The following ENPP6 variants were observed in gnomAD, a reference collection of about 807,000 sequenced individuals.
The protein encoded by ENPP6 is ectonucleotide pyrophosphatase/phosphodiesterase 6, also known as glycerophosphocholine cholinephosphodiesterase ENPP6.
In ENPP6, 32 loss-of-function variants were observed where a neutral mutation model predicts 42.0. The observed-to-expected ratio is 0.76, with a 90% confidence interval of 0.58 to 1.02. The LOEUF (loss-of-function observed/expected upper bound fraction) is 1.02, where lower values mean the gene tolerates loss of function less well. Among genes scored for constraint, ENPP6 ranks in the 50% least tolerant of loss-of-function variants. ENPP6 has a pLI of 0.00. For synonymous variants in ENPP6, 213 were observed against 216.0 expected (o/e 0.99, Z 0.12); for missense variants, 552 against 566.8 (o/e 0.97, Z 0.27).
chr4:184,144,201 C>T (rs1177680874), intron 2 of ENPP6, among the ~76,000 whole-genome samples: 2 of 152,244 alleles, frequency 1.3e-5, no homozygotes, highest in Non-Finnish European at 2.9e-5. Flanking sequence ...CTCTGGCATT[C>T]TCCTCTGAGG....
intron 1 of ENPP6, among the ~76,000 whole-genome samples, chr4:184,171,281 T>C (rs762547077): frequency 6.6e-6 from 1 of 152,214 alleles, no homozygotes; most frequent in Non-Finnish European, 1.5e-5. Context: ...GGCCTCTCCA[T>C]ATGGCCACCT....
intron 1 of ENPP6, among the ~76,000 whole-genome samples, chr4:184,163,676 C>T (rs952923428): frequency 2.0e-5 from 3 of 152,232 alleles, no homozygotes; most frequent in African/African-American, 7.2e-5. Context: ...TGAACGCTTT[C>T]TTAATTCCGG....
chr4:184,092,519 CT>C (rs1735826121), intron 7 of ENPP6, among the ~76,000 whole-genome samples: 1 of 152,188 alleles, frequency 6.6e-6, no homozygotes, highest in African/African-American at 2.4e-5. Context: ...CCGAGGGTGA[CT>C]CCACAAGTCT....
intron 2 of ENPP6, among the ~76,000 whole-genome samples, chr4:184,126,755 C>T (rs1736511225): frequency 6.6e-6 from 1 of 152,240 alleles, no homozygotes; most frequent in Admixed American, 6.5e-5. Context: ...TATCATTTCT[C>T]ACCTGTGACA....
At chr4:184,217,121 C>A in intron 1 of ENPP6, 1 of 155,674 alleles carries the variant, frequency 6.4e-6, no homozygotes, top group Non-Finnish European at 1.4e-5. Flanking sequence ...CTGAGGACCC[C>A]ACAGGTACTT....
intron 2 of ENPP6, among the ~76,000 whole-genome samples, chr4:184,138,904 C>T (rs570698345): frequency 6.6e-6 from 1 of 152,354 alleles, no homozygotes; most frequent in African/African-American, 2.4e-5. Flanking sequence ...GAGGAAGAAA[C>T]TTCGAAGCCA....
At chr4:184,169,831 A>C (rs1362258604) in intron 1 of ENPP6, among the ~76,000 whole-genome samples, 2 of 152,226 alleles carry the variant, frequency 1.3e-5, no homozygotes, top group Non-Finnish European at 2.9e-5. Flanking sequence ...TTTAGTTTAA[A>C]AATTATCTAT....
At chr4:184,207,488 G>A (rs11724229) in intron 1 of ENPP6, among the ~76,000 whole-genome samples, 24,408 of 152,178 alleles carry the variant, frequency 0.16, 2,558 homozygotes, top group Non-Finnish European at 0.24. Context: ...ATAACTTTAC[G>A]AAAAGATCCA....
chr4:184,214,014 C>T (rs1181785640), intron 1 of ENPP6, among the ~76,000 whole-genome samples: 11 of 134,056 alleles, frequency 8.2e-5, no homozygotes, highest in Non-Finnish European at 1.6e-4. Context: ...ACCGCATATT[C>T]TCACTCATAG....
intron 2 of ENPP6, among the ~76,000 whole-genome samples, chr4:184,125,548 CT>C (rs1305687741): frequency 2.0e-5 from 3 of 152,092 alleles, no homozygotes; most frequent in African/African-American, 7.2e-5. Context: ...AACCCCACCC[CT>C]GGGTACATCT....
At chr4:184,170,402 C>T (rs1184763482) in intron 1 of ENPP6, among the ~76,000 whole-genome samples, 3 of 150,850 alleles carry the variant, frequency 2.0e-5, no homozygotes, top group African/African-American at 7.3e-5. Flanking sequence ...TGCACTCCAG[C>T]CTGAGTGACA....
intron 3 of ENPP6, among the ~76,000 whole-genome samples, chr4:184,122,645 G>T (rs1003000051): frequency 2.0e-5 from 3 of 152,172 alleles, no homozygotes; most frequent in Non-Finnish European, 1.5e-5. Context: ...TGTGTGCTCT[G>T]TGCTCACCCA....
chr4:184,116,857 T>G lies in ENPP6; in HGVS notation c.854A>C (p.Glu285Ala). Residue 285 changes from glutamate (E) to alanine (A), a missense_variant and splice_region_variant, in exon 5 of 8, where the codon GAG becomes GCG. Glu to Ala is a moderately radical substitution (Grantham distance 107). Transcript: ENST00000296741. ...SLWPAPGKHS[E>A]IYNKLSTVEH... is the part of the protein sequence containing the mutation. ...CCGCCCCCCACGGGTCTGTCTTGCC[T>G]CAGAGTGTTTCCCAGGGGCCGGCCA... is the stretch of plus-strand genomic sequence containing the variant. 1 of 1,613,310 alleles carries G rather than the reference T, an allele frequency of 6.2e-7. No individual in the cohort carries two copies. The highest frequency in any genetic ancestry group is 8.5e-7 in the Non-Finnish European group (1 of 1,179,938).
At chr4:184,124,050 A>G in intron 3 of ENPP6, 111 bp downstream of exon 3, 1 of 807,028 alleles carries the variant, frequency 1.2e-6, no homozygotes. Flanking sequence ...ACTCTCACCA[A>G]CTCTCTGACA....
intron 1 of ENPP6, among the ~76,000 whole-genome samples, chr4:184,183,497 GTA>G (rs1732586636): frequency 1.4e-5 from 1 of 69,732 alleles, no homozygotes; most frequent in South Asian, 3.0e-4. Context: ...GCACATGCAT[GTA>G]TACACACACA....
chr4:184,213,551 C>T (rs1391538052), intron 1 of ENPP6, among the ~76,000 whole-genome samples: 1 of 151,458 alleles, frequency 6.6e-6, no homozygotes, highest in Non-Finnish European at 1.5e-5. Flanking sequence ...TACCATCTCA[C>T]ACCAGTTAGA....
chr4:184,194,582 T>A (rs1233650540), intron 1 of ENPP6, among the ~76,000 whole-genome samples: 5 of 152,182 alleles, frequency 3.3e-5, no homozygotes, highest in Admixed American at 2.6e-4. Flanking sequence ...AGGGTCCTAA[T>A]AAGCACAGAG....
intron 3 of ENPP6, 23 bp from the exon 4 acceptor site, chr4:184,117,923 C>A (rs1370924022): frequency 2.5e-6 from 4 of 1,610,912 alleles, no homozygotes; most frequent in Non-Finnish European, 3.4e-6. Context: ...AGGAGAGAGG[C>A]ATAGGTGAGG....
chr4:184,112,276 C>T (rs1469147609), intron 6 of ENPP6, among the ~76,000 whole-genome samples: 1 of 152,228 alleles, frequency 6.6e-6, no homozygotes, highest in Admixed American at 6.5e-5. Context: ...CTCACAGTCT[C>T]GTTTGCCAAA....
Sources: allele counts gnomAD v4.1 joint callset (sites outside exome capture counted in the v4.1 genomes callset), GRCh38; gene constraint gnomAD v4.1.1; transcripts MANE v1.5; gene names NCBI Gene and HGNC (gene_info 2026-07-23, HGNC 2026-07-21).